The following MLPH variants were observed in gnomAD, a reference collection of about 807,000 sequenced individuals.
The protein encoded by MLPH is melanophilin.
A neutral mutation model predicts 72.1 loss-of-function variants in MLPH; 51 were observed. The ratio of observed to expected loss-of-function variants is 0.71; its 90% CI spans 0.56 to 0.89. The LOEUF (loss-of-function observed/expected upper bound fraction) is 0.89, where lower values mean the gene tolerates loss of function less well. MLPH is among the 40% of genes least tolerant of loss of function. MLPH has a pLI of 0.00. For missense variants in MLPH, 743 were observed against 759.9 expected, an observed-to-expected ratio of 0.98 and a Z score of 0.26; for synonymous variants, 301 against 310.1, an observed-to-expected ratio of 0.97 and a Z score of 0.31.
chr2:237,527,562 G>T (rs768593333), intron 8 of MLPH, 46 bp downstream of exon 8: 1 of 1,612,778 alleles, frequency 6.2e-7, no homozygotes. Context: ...TCTTTGGGTG[G>T]AGTCTTTTTA....
At chr2:237,551,977 CAA>C (rs1164035810) in intron 14 of MLPH, 1,275 of 158,428 alleles carry the variant, frequency 8.0e-3, no homozygotes, top group South Asian at 0.02. Context: ...GACTTTGTCT[CAA>C]AAAAAAAAAA....
rs529683532 is a variant in MLPH at position 237,529,011 on chromosome 2, T to C, written c.1020+1495T>C. 1.9e-3 allele frequency among the ~76,000 whole-genome samples: 290 copies of C among 152,314 alleles called. 3 individuals are homozygous for C. Among genetic ancestry groups the C allele is most frequent in the African/African-American group, 6.7e-3 (277 of 41,560 alleles). ...TATATTTTACAAGAGGAGGAAATAA[T>C]CTGTCAGCTATGTGAAACGCTTAGC... On this transcript the variant is annotated intron_variant, in intron 8 of 15. Transcript: ENST00000264605.
At chr2:237,553,532 T>TGC in intron 15 of MLPH, 34 bp from the exon 16 acceptor site, 1 of 1,607,416 alleles carries the variant, frequency 6.2e-7, no homozygotes, top group East Asian at 2.2e-5. Flanking sequence ...TGTATGTGTG[T>TGC]GCTTATATGT....
At chr2:237,515,873 T>C (rs2080006521) in intron 4 of MLPH, among the ~76,000 whole-genome samples, 2 of 152,088 alleles carry the variant, frequency 1.3e-5, no homozygotes, top group Non-Finnish European at 2.9e-5. Flanking sequence ...TCCTTCTCCT[T>C]CCTTTTCCCA....
chr2:237,546,740 C>G, intron 13 of MLPH, 57 bp downstream of exon 13: 1 of 1,464,932 alleles, frequency 6.8e-7, no homozygotes, highest in Non-Finnish European at 9.6e-7. Context: ...GACTGCACCC[C>G]TTTCCAGCAG....
At chr2:237,527,030 A>G (rs772288588) in intron 7 of MLPH, among the ~76,000 whole-genome samples, 1 of 152,234 alleles carries the variant, frequency 6.6e-6, no homozygotes, top group Non-Finnish European at 1.5e-5. Context: ...TCACAAACCT[A>G]AAATGTGGCT....
At chr2:237,528,441 C>T (rs555550615) in intron 8 of MLPH, among the ~76,000 whole-genome samples, 5 of 151,818 alleles carry the variant, frequency 3.3e-5, no homozygotes, top group Non-Finnish European at 7.4e-5. Context: ...ACCTCCACCT[C>T]CCGGGTTCAA....
intron 12 of MLPH, among the ~76,000 whole-genome samples, chr2:237,542,977 GACAGTGGTGAGTGGGGGC>G (rs2080749356): frequency 4.4e-5 from 2 of 44,982 alleles, no homozygotes; most frequent in Non-Finnish European, 7.6e-5. Flanking sequence ...TGAGTGGGGG[GACAGTGGTGAGTGGGGGC>G]ACAGTGGTGA....
At chr2:237,514,911 C>T (rs2079981763) in intron 4 of MLPH, among the ~76,000 whole-genome samples, 1 of 152,234 alleles carries the variant, frequency 6.6e-6, no homozygotes, top group East Asian at 1.9e-4. Flanking sequence ...CCTAAACAGG[C>T]AGCAAAGCAG....
chr2:237,489,074 A>T (rs2079377150), intron 1 of MLPH, among the ~76,000 whole-genome samples: 1 of 152,152 alleles, frequency 6.6e-6, no homozygotes, highest in Non-Finnish European at 1.5e-5. Context: ...ACAGATGGGG[A>T]AACTAAGACC....
intron 2 of MLPH, among the ~76,000 whole-genome samples, chr2:237,499,052 G>A (rs1242052362): frequency 6.6e-6 from 1 of 151,178 alleles, no homozygotes; most frequent in Non-Finnish European, 1.5e-5. Flanking sequence ...CCCATTATTG[G>A]AATAAATTGC....
rs2080670452 is a variant in MLPH at position 237,541,037 on chromosome 2, C to A, written c.1446+80C>A. ...CACCCAGGCCTTGAACATCTGCCAG[C>A]TCTAACATCCGCCAGCTCACACTGA... On this transcript the variant is annotated intron_variant, in intron 11 of 15. Transcript: ENST00000264605. The surrounding 1 kb of genome is among the most constrained non-coding windows in gnomAD (Gnocchi z 5.1). 6.6e-7 allele frequency: 1 copy of A among 1,512,498 alleles called. No individual in the cohort carries two copies. The highest frequency in any genetic ancestry group is 9.0e-7 in the Non-Finnish European group (1 of 1,114,140). The allele number at this position is 1,512,498 out of a possible 1,614,324, so 93.7% of individuals were successfully genotyped here. A position where few individuals can be genotyped will look rare whatever the true frequency, so the allele number is the denominator to read the frequency against.
At chr2:237,521,772 GCCTTC>G (rs2080188015) in intron 6 of MLPH, among the ~76,000 whole-genome samples, 1 of 125,502 alleles carries the variant, frequency 8.0e-6, no homozygotes, top group African/African-American at 5.1e-5. Context: ...CTGGGGTTGG[GCCTTC>G]AAACACCTGC....
chr2:237,522,729 A>T (rs563226680), intron 6 of MLPH, among the ~76,000 whole-genome samples: 1 of 152,174 alleles, frequency 6.6e-6, no homozygotes, highest in East Asian at 1.9e-4. Context: ...GGCCGAATTG[A>T]GCTGACTTTC....
chr2:237,546,461 ATACTGGGGGTG>A, intron 12 of MLPH, 134 bp from the exon 13 acceptor site: 1 of 731,288 alleles, frequency 1.4e-6, no homozygotes, highest in South Asian at 1.5e-5. Flanking sequence ...CTGGAGCGGC[ATACTGGGGGTG>A]GCTGTGCAGT....
At chr2:237,515,654 A>G (rs914035455) in intron 4 of MLPH, among the ~76,000 whole-genome samples, 1 of 152,192 alleles carries the variant, frequency 6.6e-6, no homozygotes, top group East Asian at 1.9e-4. Flanking sequence ...GAGTGCCTGC[A>G]TCCCCCACAA....
chr2:237,526,301 A>G (rs576098778), intron 7 of MLPH, among the ~76,000 whole-genome samples: 2 of 152,240 alleles, frequency 1.3e-5, no homozygotes, highest in South Asian at 4.1e-4. Flanking sequence ...TGGTACCCCA[A>G]GGGTGTATGT....
chr2:237,494,354 T>G, intron 2 of MLPH, among the ~76,000 whole-genome samples: 1 of 145,010 alleles, frequency 6.9e-6, no homozygotes, highest in African/African-American at 2.6e-5. Flanking sequence ...GAGGCTGGAG[T>G]GGAGTAAATG....
chr2:237,549,070 C>T (rs535015518), intron 13 of MLPH, 151 bp from the exon 14 acceptor site: 3 of 701,796 alleles, frequency 4.3e-6, no homozygotes, highest in Admixed American at 4.4e-5. Flanking sequence ...TGTCCATTCT[C>T]ATATTGCTAA....
Sources: allele counts gnomAD v4.1 joint callset (sites outside exome capture counted in the v4.1 genomes callset), GRCh38; gene constraint gnomAD v4.1.1; non-coding constraint Gnocchi (gnomAD v3.1); transcripts MANE v1.5; gene names NCBI Gene and HGNC (gene_info 2026-07-23, HGNC 2026-07-21).